The following ARHGAP18 variants were observed in gnomAD, a reference collection of about 807,000 sequenced individuals.
ARHGAP18 encodes rho GTPase-activating protein 18.
ARHGAP18 carries 67 observed loss-of-function variants against 86.2 expected under a neutral mutation model. That is an observed-to-expected ratio of 0.78 (90% CI 0.64 to 0.95). The LOEUF (loss-of-function observed/expected upper bound fraction) is 0.95, where lower values mean the gene tolerates loss of function less well. ARHGAP18 is among the 40% of genes least tolerant of loss of function. The probability of loss-of-function intolerance (pLI) is 0.00; values close to 1 mark genes in which losing one functional copy is unlikely to be tolerated. For synonymous variants in ARHGAP18, 283 were observed against 280.4 expected (o/e 1.01, Z -0.09); for missense variants, 691 against 780.4 (o/e 0.89, Z 1.37).
At chr6:129,594,453 T>A (rs1562681132) in intron 12 of ARHGAP18, among the ~76,000 whole-genome samples, 1 of 152,180 alleles carries the variant, frequency 6.6e-6, no homozygotes, top group Non-Finnish European at 1.5e-5. Flanking sequence ...TGGAATCCCC[T>A]AGAGATCTCT....
chr6:129,640,071 A>AAAAAT lies in ARHGAP18; in HGVS notation c.317-1443_317-1442insATTTT, dbSNP rs1422829617. Among the ~76,000 whole-genome samples the AAAAAT allele has an allele frequency of 2.6e-5, 4 of 151,132 alleles. 1 individual carries two copies. The highest frequency in any genetic ancestry group is 4.4e-5 in the Non-Finnish European group (3 of 67,758). On this transcript the variant is annotated intron_variant, in intron 2 of 14. Transcript: ENST00000368149. ...AAAAAAAAAAAAAAAAAAACAAACA[A>AAAAAT]AAGTCAGCCATTATTATTTATGCTT...
chr6:129,664,124 T>G (rs533408378), intron 1 of ARHGAP18, among the ~76,000 whole-genome samples: 6 of 152,250 alleles, frequency 3.9e-5, no homozygotes, highest in Non-Finnish European at 7.3e-5. Flanking sequence ...CAGCCTCTGC[T>G]TTACTGCGTT....
At position 129,591,013 on chromosome 6, in the gene ARHGAP18, T is replaced by G. The variant is rs1022523365; in HGVS notation, c.1714-6901A>C. ...AAGAGTTAAAGTTGTTTCTGGGAAGTTTTTGCTGGATATCTTGACAAGGAA... is the reference window on the plus strand; with the variant it reads ...AAGAGTTAAAGTTGTTTCTGGGAAGGTTTTGCTGGATATCTTGACAAGGAA... On this transcript the variant is annotated intron_variant, in intron 12 of 14. Transcript: ENST00000368149. Among the ~76,000 whole-genome samples, 3 of 152,164 alleles carry G rather than the reference T, an allele frequency of 2.0e-5. No individual in the cohort carries two copies. In the East Asian group the frequency reaches 5.8e-4, roughly 29 times the overall value.
intron 5 of ARHGAP18, among the ~76,000 whole-genome samples, chr6:129,628,356 T>C (rs1485198070): frequency 6.6e-6 from 1 of 152,164 alleles, no homozygotes; most frequent in African/African-American, 2.4e-5. Flanking sequence ...AATTTTAAAA[T>C]AGCCATTTCT....
intron 12 of ARHGAP18, among the ~76,000 whole-genome samples, chr6:129,594,386 C>T (rs909080790): frequency 3.2e-4 from 48 of 152,146 alleles, no homozygotes; most frequent in African/African-American, 1.1e-3. Context: ...TCTCTTACTT[C>T]CTATTATTTC....
At chr6:129,632,544 C>CA (rs892221157) in intron 4 of ARHGAP18, among the ~76,000 whole-genome samples, 55 of 152,198 alleles carry the variant, frequency 3.6e-4, no homozygotes, top group African/African-American at 1.3e-3. Flanking sequence ...GACATTGGCA[C>CA]AAAAAACCCA....
intron 1 of ARHGAP18, among the ~76,000 whole-genome samples, chr6:129,690,149 G>C (rs1562726007): frequency 6.7e-6 from 1 of 150,238 alleles, no homozygotes; most frequent in African/African-American, 2.5e-5. Context: ...GTGTGTATGT[G>C]GTGTGTGTGT....
intron 2 of ARHGAP18, among the ~76,000 whole-genome samples, chr6:129,641,084 A>G (rs1773454705): frequency 2.6e-5 from 4 of 152,216 alleles, no homozygotes; most frequent in Admixed American, 2.6e-4. Context: ...CAGTAATGCC[A>G]CCATCTACTG....
intron 1 of ARHGAP18, among the ~76,000 whole-genome samples, chr6:129,709,479 A>G (rs1017035823): frequency 6.6e-6 from 1 of 152,256 alleles, no homozygotes; most frequent in Non-Finnish European, 1.5e-5. Flanking sequence ...GGGAAAAAAA[A>G]TCCACATACA....
At chr6:129,635,480 CA>C (rs1313541594) in intron 3 of ARHGAP18, among the ~76,000 whole-genome samples, 1 of 152,250 alleles carries the variant, frequency 6.6e-6, no homozygotes, top group Non-Finnish European at 1.5e-5. Flanking sequence ...CCTCCTCCCA[CA>C]AGCCGGCAGA....
Position 129,592,387 on chromosome 6 carries a change from A to G in ARHGAP18, c.1713+6829T>C, listed in dbSNP as rs1223434563. On this transcript the variant is annotated intron_variant, in intron 12 of 14. Coordinates refer to ENST00000368149, the MANE Select transcript of ARHGAP18 (RefSeq NM_033515.3). Reference sequence around the variant, plus strand: ...CAGCATCTACACCGCACTGCTGCCAATGCCAGGATTCTTCCAGTGGTAGCA... The same window carrying G: ...CAGCATCTACACCGCACTGCTGCCAGTGCCAGGATTCTTCCAGTGGTAGCA... Among the ~76,000 whole-genome samples, 3 of 152,214 alleles carry G rather than the reference A, an allele frequency of 2.0e-5. 1 individual carries two copies. The highest frequency in any genetic ancestry group is 4.4e-5 in the Non-Finnish European group (3 of 68,036).
At chr6:129,594,599 G>A (rs1482818223) in intron 12 of ARHGAP18, among the ~76,000 whole-genome samples, 1 of 152,086 alleles carries the variant, frequency 6.6e-6, no homozygotes, top group Non-Finnish European at 1.5e-5. Context: ...TCAGGCCCCT[G>A]TAGCCGACTC....
At chr6:129,647,540 T>C (rs1316506203) in intron 1 of ARHGAP18, among the ~76,000 whole-genome samples, 5 of 152,236 alleles carry the variant, frequency 3.3e-5, no homozygotes, top group Admixed American at 2.0e-4. Flanking sequence ...AAAAACGATA[T>C]ACTTTCTTTC....
At chr6:129,632,551 C>T (rs1733183410) in intron 4 of ARHGAP18, among the ~76,000 whole-genome samples, 1 of 152,132 alleles carries the variant, frequency 6.6e-6, no homozygotes, top group African/African-American at 2.4e-5. Context: ...GCACAAAAAA[C>T]CCATCTGTCT....
chr6:129,677,407 A>AT lies in ARHGAP18; in HGVS notation c.113+32616dup, dbSNP rs199715747. ...GACTCCGTCTCAAAAAAAAAAAAAA[A>AT]TTGCTTTTGTTGACTAATATACCTC... On this transcript the variant is annotated intron_variant, in intron 1 of 14. Coordinates refer to ENST00000368149, the MANE Select transcript of ARHGAP18 (RefSeq NM_033515.3). Among the ~76,000 whole-genome samples the AT allele has an allele frequency of 1.7e-3, 260 of 150,868 alleles. 5 individuals are homozygous for AT. In the East Asian group the frequency reaches 0.037, roughly 21 times the overall value.
chr6:129,611,194 G>A (rs528193300), intron 8 of ARHGAP18, among the ~76,000 whole-genome samples: 30 of 152,102 alleles, frequency 2.0e-4, no homozygotes, highest in Non-Finnish European at 3.1e-4. Flanking sequence ...GAACCACCAC[G>A]CCCGGCCCTG....
At chr6:129,649,374 C>A (rs747416500) in intron 1 of ARHGAP18, among the ~76,000 whole-genome samples, 1 of 151,810 alleles carries the variant, frequency 6.6e-6, no homozygotes, top group Admixed American at 6.6e-5. Flanking sequence ...GCCAACAGGG[C>A]GAAACCTCGT....
chr6:129,669,261 TC>T (rs1774100718), intron 1 of ARHGAP18, among the ~76,000 whole-genome samples: 1 of 151,360 alleles, frequency 6.6e-6, no homozygotes, highest in Admixed American at 6.6e-5. Context: ...AAGCTCCGCC[TC>T]CCGGGTTCAC....
At chr6:129,638,258 C>T (rs1010671038) in intron 3 of ARHGAP18, 136 bp downstream of exon 3, 4 of 851,912 alleles carry the variant, frequency 4.7e-6, no homozygotes, top group Admixed American at 5.4e-5. Flanking sequence ...TCTCTTGTTT[C>T]CTGCAAGCAT....
Sources: allele counts gnomAD v4.1 joint callset (sites outside exome capture counted in the v4.1 genomes callset), GRCh38; gene constraint gnomAD v4.1.1; transcripts MANE v1.5; gene names NCBI Gene and HGNC (gene_info 2026-07-23, HGNC 2026-07-21).